Variants in TMEM200A observed in about 807,000 individuals in gnomAD.
TMEM200A encodes transmembrane protein 200A.
Under a neutral mutation model 24.3 loss-of-function variants are expected in TMEM200A, and 12 were observed. That is an observed-to-expected ratio of 0.49 (90% CI 0.32 to 0.80). The LOEUF (loss-of-function observed/expected upper bound fraction) is 0.80. Ranked by LOEUF, TMEM200A falls within the 30% of genes least tolerant of loss-of-function variation. The probability of loss-of-function intolerance (pLI) is 0.04; values close to 1 mark genes in which losing one functional copy is unlikely to be tolerated. For synonymous variants in TMEM200A, 224 were observed against 224.4 expected (o/e 1.00, Z 0.02); for missense variants, 545 against 614.4 (o/e 0.89, Z 1.19).
At chr6:130,415,940 C>T (rs1394714714) in intron 2 of TMEM200A, among the ~76,000 whole-genome samples, 2 of 151,922 alleles carry the variant, frequency 1.3e-5, no homozygotes, top group Admixed American at 1.3e-4. Context: ...TTTTATATAC[C>T]AAATATTTTC....
In TMEM200A at chr6:130,377,498, C is replaced by A. The variant is rs537721119; in HGVS notation, c.-80-7675C>A. Among the ~76,000 whole-genome samples, 14 of 152,208 alleles carry A rather than the reference C, an allele frequency of 9.2e-5. No homozygotes were observed. The South Asian group carries it at 2.7e-3, about 29-fold the overall frequency. On this transcript the variant is annotated intron_variant, in intron 1 of 2. Transcript: ENST00000296978. ...GCAGGCCTCTGGGACTCATCCCTACCTAGAACCCCATGAACCCAGCCCTCC... is the reference window on the plus strand; with the variant it reads ...GCAGGCCTCTGGGACTCATCCCTACATAGAACCCCATGAACCCAGCCCTCC...
chr6:130,415,677 A>G (rs963798259), intron 2 of TMEM200A, among the ~76,000 whole-genome samples: 1 of 152,144 alleles, frequency 6.6e-6, no homozygotes, highest in Non-Finnish European at 1.5e-5. Context: ...ACATGTCATG[A>G]AACCCTCCTT....
intron 1 of TMEM200A, among the ~76,000 whole-genome samples, chr6:130,380,979 C>G (rs957758785): frequency 6.6e-6 from 1 of 151,942 alleles, no homozygotes; most frequent in Non-Finnish European, 1.5e-5. Context: ...AGAGTGAGAC[C>G]CTGTCTCTAA....
chr6:130,365,766 G>A, upstream of TMEM200A: 1 of 985,448 alleles, frequency 1.0e-6, no homozygotes, highest in Non-Finnish European at 1.2e-6. Flanking sequence ...GGTGATTTGG[G>A]CTCTCGAAGT....
At chr6:130,379,814 G>C (rs1490774055) in intron 1 of TMEM200A, among the ~76,000 whole-genome samples, 1 of 152,148 alleles carries the variant, frequency 6.6e-6, no homozygotes, top group Non-Finnish European at 1.5e-5. Context: ...AGGATCATTA[G>C]TATGTAGTTG....
At chr6:130,413,680 A>G (rs909659425) in intron 2 of TMEM200A, among the ~76,000 whole-genome samples, 1 of 152,156 alleles carries the variant, frequency 6.6e-6, no homozygotes, top group East Asian at 1.9e-4. Flanking sequence ...CACTTTGGGA[A>G]TAATTATCCT....
chr6:130,372,831 G>A (rs1554280049), intron 1 of TMEM200A, among the ~76,000 whole-genome samples: 1 of 152,176 alleles, frequency 6.6e-6, no homozygotes, highest in Non-Finnish European at 1.5e-5. Flanking sequence ...GTATTTATGA[G>A]AACCTTGTAG....
intron 2 of TMEM200A, among the ~76,000 whole-genome samples, chr6:130,429,744 A>C (rs1779830765): frequency 6.6e-6 from 1 of 152,194 alleles, no homozygotes; most frequent in Admixed American, 6.5e-5. Context: ...ATCCATGAAC[A>C]TACTGATAGG....
At chr6:130,379,503 C>G (rs576616652) in intron 1 of TMEM200A, among the ~76,000 whole-genome samples, 1 of 152,118 alleles carries the variant, frequency 6.6e-6, no homozygotes, top group Non-Finnish European at 1.5e-5. Context: ...TGTGCACATG[C>G]GTGATTGAGC....
At chr6:130,427,377 C>G (rs1391391833) in intron 2 of TMEM200A, among the ~76,000 whole-genome samples, 1 of 152,024 alleles carries the variant, frequency 6.6e-6, no homozygotes, top group Non-Finnish European at 1.5e-5. Context: ...TATATTAATC[C>G]TTTTAAATAT....
At chr6:130,381,561 A>T (rs117851164) in intron 1 of TMEM200A, among the ~76,000 whole-genome samples, 2,799 of 152,326 alleles carry the variant, frequency 0.018, 25 homozygotes, top group Non-Finnish European at 0.027. Context: ...TTACAGTGCC[A>T]GAGACTAATT....
At chr6:130,418,987 T>G (rs1220133163) in intron 2 of TMEM200A, among the ~76,000 whole-genome samples, 1 of 152,176 alleles carries the variant, frequency 6.6e-6, no homozygotes, top group Admixed American at 6.6e-5. Flanking sequence ...GCTGCCCTAC[T>G]CTGCTATTGA....
At chr6:130,405,109 C>G (rs1779176219) in intron 2 of TMEM200A, among the ~76,000 whole-genome samples, 1 of 152,058 alleles carries the variant, frequency 6.6e-6, no homozygotes, top group Non-Finnish European at 1.5e-5. Flanking sequence ...CAGCTTTGCT[C>G]TTTTTGCTTA....
At chr6:130,430,038 A>G (rs1779839258) in intron 2 of TMEM200A, among the ~76,000 whole-genome samples, 1 of 152,186 alleles carries the variant, frequency 6.6e-6, no homozygotes, top group South Asian at 2.1e-4. Context: ...TACCATGAGC[A>G]TGTGGAGTGT....
intron 2 of TMEM200A, among the ~76,000 whole-genome samples, chr6:130,421,864 G>A (rs2115183515): frequency 6.6e-6 from 1 of 152,098 alleles, no homozygotes; most frequent in Non-Finnish European, 1.5e-5. Flanking sequence ...TGGGAGGCTT[G>A]CTTTCTTTTT....
chr6:130,403,701 A>C lies in TMEM200A; in HGVS notation c.-17+18465A>C, dbSNP rs114116445. Among the ~76,000 whole-genome samples the C allele has an allele frequency of 5.9e-3, 895 of 152,108 alleles. 6 individuals are homozygous for C. Among genetic ancestry groups the C allele is most frequent in the African/African-American group, 0.021 (852 of 41,486 alleles). On this transcript the variant is annotated intron_variant, in intron 2 of 2. Transcript: ENST00000296978. ...AAACTTTTATTTTAAGTTCAGGGGT[A>C]CAAGTGCAGGCTTATTACCTAGATA...
Position 130,441,271 on chromosome 6 carries a change from G to C in TMEM200A, c.849G>C (p.Ser283=). The C allele has an allele frequency of 6.2e-7, 1 of 1,614,006 alleles. No homozygotes were observed. The highest frequency in any genetic ancestry group is 8.5e-7 in the Non-Finnish European group (1 of 1,179,968). ...KKCETKSIVS[S]SISAFTLPVI... is the part of the protein sequence containing the mutation. ...GTGAAACCAAGTCAATTGTGTCATC[G>C]TCCATCAGTGCTTTTACATTGCCTG... The change falls in exon 3 of 3, where the codon TCG becomes TCC. Residue 283 remains serine (S), a synonymous_variant. Transcript: ENST00000296978.
chr6:130,392,585 T>A (rs1778860375), intron 2 of TMEM200A, among the ~76,000 whole-genome samples: 1 of 152,210 alleles, frequency 6.6e-6, no homozygotes, highest in African/African-American at 2.4e-5. Context: ...AGAGATATAT[T>A]TTTTAGTGTC....
At chr6:130,423,452 C>A (rs1173791401) in intron 2 of TMEM200A, among the ~76,000 whole-genome samples, 2 of 152,062 alleles carry the variant, frequency 1.3e-5, no homozygotes, top group Non-Finnish European at 2.9e-5. Flanking sequence ...TATTTGAATA[C>A]ACCCTAATTA....
Sources: allele counts gnomAD v4.1 joint callset (sites outside exome capture counted in the v4.1 genomes callset), GRCh38; gene constraint gnomAD v4.1.1; transcripts MANE v1.5; gene names NCBI Gene and HGNC (gene_info 2026-07-23, HGNC 2026-07-21).